TXNDC16: variants seen among roughly 807,000 people sequenced by gnomAD.
TXNDC16 encodes thioredoxin domain containing 16, also known as thioredoxin domain-containing protein 16.
Under a neutral mutation model 85.6 loss-of-function variants are expected in TXNDC16, and 74 were observed. That is an observed-to-expected ratio of 0.86 (90% CI 0.72 to 1.05). The LOEUF (loss-of-function observed/expected upper bound fraction) is 1.05, where lower values mean the gene tolerates loss of function less well. Among genes scored for constraint, TXNDC16 ranks in the 50% least tolerant of loss-of-function variants. The pLI, the probability that TXNDC16 is intolerant of heterozygous loss-of-function variation, is 0.00. For synonymous variants in TXNDC16, 335 were observed against 326.5 expected (o/e 1.03, Z -0.28); for missense variants, 959 against 947.0 (o/e 1.01, Z -0.17).
chr14:52,515,207 G>A (rs2037053510), intron 7 of TXNDC16, among the ~76,000 whole-genome samples: 1 of 152,252 alleles, frequency 6.6e-6, no homozygotes, highest in South Asian at 2.1e-4. Flanking sequence ...TTTTACTTGA[G>A]AATATAATAT....
At chr14:52,488,592 T>G (rs111314411) in intron 11 of TXNDC16, 106 bp from the exon 12 acceptor site, 65 of 892,568 alleles carry the variant, frequency 7.3e-5, no homozygotes, top group Admixed American at 1.2e-4. Flanking sequence ...TCCCAGCACT[T>G]TGGGAGGTCG....
At chr14:52,445,493 G>C (rs1358042404) in intron 18 of TXNDC16, among the ~76,000 whole-genome samples, 2 of 152,136 alleles carry the variant, frequency 1.3e-5, no homozygotes, top group Non-Finnish European at 2.9e-5. Flanking sequence ...AGTCACTTCA[G>C]AAATGTAGAA....
rs765308651 is a variant in TXNDC16 at position 52,455,482 on chromosome 14, T to A, written c.1704-20A>T. 3.1e-6 allele frequency: 5 copies of A among 1,612,618 alleles called. No homozygotes were observed. In the South Asian group the frequency reaches 5.5e-5, roughly 18 times the overall value. ...GTTGACCTATGGAGAAAGGCAGTAT[T>A]AAAATTCACGATCAAAATCTAGCAT... On this transcript the variant is annotated intron_variant, in intron 17 of 20. Transcript: ENST00000281741.
intron 6 of TXNDC16, among the ~76,000 whole-genome samples, chr14:52,523,795 AT>A (rs139316079): frequency 0.013 from 2,052 of 152,288 alleles, 45 homozygotes; most frequent in African/African-American, 0.046. Context: ...TGACCTTAAA[AT>A]TTAAGAGTAT....
intron 1 of TXNDC16, among the ~76,000 whole-genome samples, chr14:52,547,479 G>A (rs1473566621): frequency 1.3e-5 from 2 of 152,124 alleles, no homozygotes; most frequent in Non-Finnish European, 2.9e-5. Flanking sequence ...GTAAATTGAT[G>A]TTCTTTATTT....
At chr14:52,520,523 T>C (rs1317104039) in intron 6 of TXNDC16, among the ~76,000 whole-genome samples, 1 of 152,010 alleles carries the variant, frequency 6.6e-6, no homozygotes, top group Non-Finnish European at 1.5e-5. Flanking sequence ...GGCAGGAGAA[T>C]GGCATGAACC....
At chr14:52,495,875 G>C (rs867008857) in intron 9 of TXNDC16, among the ~76,000 whole-genome samples, 1 of 152,084 alleles carries the variant, frequency 6.6e-6, no homozygotes, top group Non-Finnish European at 1.5e-5. Context: ...TAAAGAGACA[G>C]ATCGGCCACC....
At chr14:52,472,219 T>C (rs1341443702) in intron 14 of TXNDC16, among the ~76,000 whole-genome samples, 1 of 151,574 alleles carries the variant, frequency 6.6e-6, no homozygotes, top group African/African-American at 2.4e-5. Flanking sequence ...ATATTTGAGA[T>C]GTAGTCTTGC....
At chr14:52,544,436 G>GA (rs755340435) in intron 1 of TXNDC16, 65 bp from the exon 2 acceptor site, 3 of 151,990 alleles carry the variant, frequency 2.0e-5, no homozygotes, top group Admixed American at 1.3e-4. Flanking sequence ...AGCTGTAGGT[G>GA]AAAATTTTGT....
At chr14:52,483,846 G>A (rs907859827) in intron 12 of TXNDC16, among the ~76,000 whole-genome samples, 17 of 152,074 alleles carry the variant, frequency 1.1e-4, no homozygotes, top group African/African-American at 3.9e-4. Flanking sequence ...GAGATTGTAC[G>A]GTAAGACAGA....
intron 6 of TXNDC16, among the ~76,000 whole-genome samples, chr14:52,527,966 G>A (rs1231941550): frequency 6.6e-6 from 1 of 152,044 alleles, no homozygotes; most frequent in Non-Finnish European, 1.5e-5. Context: ...TTAAATCAAT[G>A]ATGTTTCAGC....
chr14:52,495,111 C>A (rs1299329341), intron 9 of TXNDC16, among the ~76,000 whole-genome samples: 2 of 152,170 alleles, frequency 1.3e-5, no homozygotes, highest in Admixed American at 6.5e-5. Context: ...TACCCTAAAA[C>A]CTGGTACCTT....
chr14:52,447,016 G>C (rs546873239), intron 18 of TXNDC16, among the ~76,000 whole-genome samples: 81 of 151,740 alleles, frequency 5.3e-4, no homozygotes, highest in African/African-American at 1.9e-3. Flanking sequence ...TTCTGCTTGA[G>C]AAAAGTAGAG....
intron 16 of TXNDC16, among the ~76,000 whole-genome samples, chr14:52,469,758 C>CA (rs1001981627): frequency 1.8e-4 from 27 of 151,518 alleles, no homozygotes; most frequent in South Asian, 1.3e-3. Flanking sequence ...ACAAAACAAA[C>CA]AAAAAAAACG....
intron 6 of TXNDC16, among the ~76,000 whole-genome samples, chr14:52,530,105 A>G (rs1350077073): frequency 2.3e-5 from 2 of 87,708 alleles, no homozygotes; most frequent in Non-Finnish European, 3.9e-5. Flanking sequence ...TATTATATAT[A>G]TTTATATTAT....
At chr14:52,525,191 C>G (rs756584879) in intron 6 of TXNDC16, among the ~76,000 whole-genome samples, 9 of 152,020 alleles carry the variant, frequency 5.9e-5, no homozygotes, top group African/African-American at 9.7e-5. Context: ...ACCATGAACT[C>G]ACATTTGTTT....
At chr14:52,467,306 A>G (rs572570972) in intron 16 of TXNDC16, among the ~76,000 whole-genome samples, 400 of 152,336 alleles carry the variant, frequency 2.6e-3, no homozygotes, top group Non-Finnish European at 4.5e-3. Flanking sequence ...CAATCAACAG[A>G]GTAAAAAAGC....
intron 16 of TXNDC16, among the ~76,000 whole-genome samples, chr14:52,463,134 G>C (rs1238926316): frequency 6.6e-5 from 10 of 151,400 alleles, no homozygotes; most frequent in Admixed American, 2.0e-4. Flanking sequence ...TTAATTATCA[G>C]ACCTAATTTG....
At chr14:52,466,578 G>T (rs924129061) in intron 16 of TXNDC16, among the ~76,000 whole-genome samples, 6 of 151,438 alleles carry the variant, frequency 4.0e-5, no homozygotes, top group African/African-American at 1.5e-4. Flanking sequence ...AAAAAATAAA[G>T]AAAAATGGCC....
Sources: allele counts gnomAD v4.1 joint callset (sites outside exome capture counted in the v4.1 genomes callset), GRCh38; gene constraint gnomAD v4.1.1; transcripts MANE v1.5; gene names NCBI Gene and HGNC (gene_info 2026-07-23, HGNC 2026-07-21).